The following SS18 variants were observed in gnomAD, a reference collection of about 807,000 sequenced individuals.
SS18 encodes protein SSXT.
A neutral mutation model predicts 72.5 loss-of-function variants in SS18; 28 were observed. That is an observed-to-expected ratio of 0.39 (90% CI 0.29 to 0.53). The LOEUF is 0.53. Among genes scored for constraint, SS18 ranks in the 20% least tolerant of loss-of-function variants. The pLI is 0.76. For synonymous variants in SS18, 172 were observed against 164.2 expected, an observed-to-expected ratio of 1.05 and a Z score of -0.37; for missense variants, 518 against 535.3, an observed-to-expected ratio of 0.97 and a Z score of 0.32.
At chr18:26,088,047 A>C (rs2054647239) in intron 1 of SS18, among the ~76,000 whole-genome samples, 1 of 152,150 alleles carries the variant, frequency 6.6e-6, no homozygotes, top group South Asian at 2.1e-4. Flanking sequence ...GGTCCTTTTA[A>C]TATATATGAC....
intron 1 of SS18, among the ~76,000 whole-genome samples, chr18:26,088,450 A>T (rs2054654728): frequency 2.0e-5 from 3 of 152,230 alleles, no homozygotes; most frequent in Non-Finnish European, 4.4e-5. Context: ...AATAATTTCT[A>T]TGCATGTATA....
intron 5 of SS18, among the ~76,000 whole-genome samples, chr18:26,050,591 T>C (rs909215180): frequency 1.3e-4 from 20 of 152,078 alleles, no homozygotes; most frequent in Non-Finnish European, 2.8e-4. Flanking sequence ...AAAAACTAGG[T>C]GCTGCCAGAA....
At chr18:26,073,628 T>C (rs1329504877) in intron 3 of SS18, among the ~76,000 whole-genome samples, 1 of 152,214 alleles carries the variant, frequency 6.6e-6, no homozygotes, top group Non-Finnish European at 1.5e-5. Context: ...AGTCAATGTA[T>C]TACTGGCTGC....
chr18:26,071,169 G>C (rs2054304113), intron 3 of SS18, among the ~76,000 whole-genome samples: 1 of 152,252 alleles, frequency 6.6e-6, no homozygotes, highest in East Asian at 1.9e-4. Flanking sequence ...AGAATTATTT[G>C]CTTGAAGAGA....
intron 10 of SS18, among the ~76,000 whole-genome samples, chr18:26,020,269 A>G (rs1169659763): frequency 6.6e-6 from 1 of 152,094 alleles, no homozygotes; most frequent in African/African-American, 2.4e-5. Context: ...CTGGATCACA[A>G]TTTCCCTTCT....
chr18:26,072,746 G>A (rs991779558), intron 3 of SS18, among the ~76,000 whole-genome samples: 2 of 126,014 alleles, frequency 1.6e-5, no homozygotes, highest in Non-Finnish European at 1.6e-5. Flanking sequence ...GCAGTGAGCC[G>A]AGATCACACC....
chr18:26,035,216 G>A lies in SS18; in HGVS notation c.974-89C>T, dbSNP rs2053607924. On this transcript the variant is annotated intron_variant, in intron 8 of 10. Coordinates refer to ENST00000415083, the MANE Select transcript of SS18 (RefSeq NM_001007559.3). This position sits in a 1 kb window ranked among gnomAD's most constrained non-coding sequence, Gnocchi z 4.4. ...CTAAGATGCATAGCCAACAACACAA[G>A]AACAAAATGAAATGCCATATTGATT... 3 of 1,371,358 alleles carry A rather than the reference G, an allele frequency of 2.2e-6. No individual in the cohort carries two copies. The highest frequency in any genetic ancestry group is 2.4e-5 in the East Asian group (1 of 41,978). The allele number at this position is 1,371,358 out of a possible 1,614,324, so 84.9% of individuals were successfully genotyped here.
At position 26,089,433 on chromosome 18, in the gene SS18, C is replaced by G. The variant is rs77450228; in HGVS notation, c.69+1068G>C. Among the ~76,000 whole-genome samples the G allele has an allele frequency of 4.3e-3, 660 of 152,346 alleles. 4 individuals carry two copies. Among genetic ancestry groups the G allele is most frequent in the African/African-American group, 0.014 (594 of 41,578 alleles). Reference sequence around the variant, plus strand: ...AGTTGGGCAAATGTCAAAAGCCACACTACGAAGAACCTGACAGTAAACAGA... The same window carrying G: ...AGTTGGGCAAATGTCAAAAGCCACAGTACGAAGAACCTGACAGTAAACAGA... On this transcript the variant is annotated intron_variant, in intron 1 of 10. Coordinates refer to ENST00000415083, the MANE Select transcript of SS18 (RefSeq NM_001007559.3).
chr18:26,075,532 C>CATTCAACATA (rs2054397074), intron 3 of SS18, among the ~76,000 whole-genome samples: 1 of 151,866 alleles, frequency 6.6e-6, no homozygotes, highest in Non-Finnish European at 1.5e-5. Context: ...ATTTAACATC[C>CATTCAACATA]ATTCAACATA....
At chr18:26,083,720 A>G (rs2054569627) in intron 2 of SS18, among the ~76,000 whole-genome samples, 1 of 152,164 alleles carries the variant, frequency 6.6e-6, no homozygotes, top group Admixed American at 6.6e-5. Context: ...CTTTCGGTCT[A>G]TTGTTGACCA....
intron 10 of SS18, among the ~76,000 whole-genome samples, chr18:26,028,509 C>T (rs1400252507): frequency 6.6e-6 from 1 of 152,176 alleles, no homozygotes; most frequent in Non-Finnish European, 1.5e-5. Flanking sequence ...CATGAATGTT[C>T]ATAGTACTGT....
intron 5 of SS18, among the ~76,000 whole-genome samples, chr18:26,049,807 C>T (rs901813860): frequency 1.3e-5 from 2 of 152,178 alleles, no homozygotes; most frequent in South Asian, 2.1e-4. Context: ...AGGGCACCAA[C>T]GCCCAGCCAG....
chr18:26,057,738 G>T lies in SS18; in HGVS notation c.236C>A (p.Pro79His), dbSNP rs553873019. Residue 79 changes from proline to histidine, a missense_variant, in exon 4 of 11, where the codon CCC (proline) becomes CAC (histidine). By Grantham distance (77) the Pro-to-His change is moderately conservative. Coordinates refer to ENST00000415083, the MANE Select transcript of SS18 (RefSeq NM_001007559.3). The stretch of plus-strand genomic sequence containing the variant: ...AGGACCCATAGGCATATTCTGTGTG[G>T]GTGGCTGAAAGAAGACAGTTTAGTA... ...QNMQSLLPAP[P>H]TQNMPMGPGG... 6.3e-7 allele frequency: 1 copy of T among 1,599,606 alleles called. No homozygotes were observed. The highest frequency in any genetic ancestry group is 8.5e-7 in the Non-Finnish European group (1 of 1,170,916).
At chr18:26,060,771 CAAAAAAAAA>C (rs60999827) in intron 3 of SS18, among the ~76,000 whole-genome samples, 210 of 39,586 alleles carry the variant, frequency 5.3e-3, no homozygotes, top group Non-Finnish European at 9.8e-3. Flanking sequence ...CTAAAAATAC[CAAAAAAAAA>C]AAAAAAAAAA....
intron 3 of SS18, among the ~76,000 whole-genome samples, chr18:26,077,371 C>T (rs916151002): frequency 1.3e-5 from 2 of 152,018 alleles, no homozygotes; most frequent in Non-Finnish European, 2.9e-5. Context: ...CAAAGGAACA[C>T]GTTAAAGGAC....
At chr18:26,065,121 T>A (rs1367683312) in intron 3 of SS18, among the ~76,000 whole-genome samples, 1 of 152,142 alleles carries the variant, frequency 6.6e-6, no homozygotes. Flanking sequence ...ACTGGAAGAT[T>A]TATTAATAAT....
intron 5 of SS18, among the ~76,000 whole-genome samples, chr18:26,041,086 T>C (rs936429552): frequency 2.6e-5 from 4 of 152,172 alleles, no homozygotes; most frequent in African/African-American, 4.8e-5. Context: ...TTGAAGCACA[T>C]GTTTGTTCTA....
intron 3 of SS18, among the ~76,000 whole-genome samples, chr18:26,064,309 A>G (rs60682590): frequency 0.097 from 14,836 of 152,172 alleles, 1,099 homozygotes; most frequent in African/African-American, 0.19. Flanking sequence ...TGAAACTACC[A>G]AAACCTGACA....
intron 4 of SS18, among the ~76,000 whole-genome samples, chr18:26,054,843 C>T (rs1012367700): frequency 2.6e-5 from 4 of 151,522 alleles, no homozygotes; most frequent in African/African-American, 4.8e-5. Context: ...CGGGTTCAAG[C>T]GATTCTCCTG....
Sources: gnomAD v4.1 joint callset for allele counts (sites outside exome capture counted in the v4.1 genomes callset) on GRCh38, gnomAD v4.1.1 for gene constraint, Gnocchi (gnomAD v3.1) non-coding constraint, MANE v1.5 for transcripts, NCBI Gene and HGNC (gene_info 2026-07-23, HGNC 2026-07-21) for gene names.